The following ASRGL1 variants were observed in gnomAD, a reference collection of about 807,000 sequenced individuals.
ASRGL1 encodes asparaginase and isoaspartyl peptidase 1, also known as isoaspartyl peptidase/L-asparaginase.
A neutral mutation model predicts 22.4 loss-of-function variants in ASRGL1; 16 were observed. That is an observed-to-expected ratio of 0.71 (90% CI 0.48 to 1.08). ASRGL1 has a LOEUF of 1.08. Ranked by LOEUF, ASRGL1 falls within the 50% of genes least tolerant of loss-of-function variation. The pLI is 0.00. For synonymous variants in ASRGL1, 165 were observed against 159.3 expected (o/e 1.04, Z -0.27); for missense variants, 412 against 410.1 (o/e 1.00, Z -0.04).
At chr11:62,378,087 A>G (rs373021381) in intron 4 of ASRGL1, among the ~76,000 whole-genome samples, 1 of 152,312 alleles carries the variant, frequency 6.6e-6, no homozygotes, top group South Asian at 2.1e-4. Flanking sequence ...CATAAGTAGG[A>G]ATGCCTAGAG....
At chr11:62,368,396 C>G (rs1008536795) in intron 4 of ASRGL1, among the ~76,000 whole-genome samples, 1 of 152,082 alleles carries the variant, frequency 6.6e-6, no homozygotes, top group African/African-American at 2.4e-5. Flanking sequence ...TTGGTGAACA[C>G]CTGTCCACAT....
In ASRGL1 at chr11:62,369,300, A is replaced by G. The variant is rs906728947; in HGVS notation, c.491+12156A>G. ...ATTAAACCTTGAGTCAACACAGCAC[A>G]TGTCTCTGCGACACAGGGTTGGGGC... is the stretch of plus-strand genomic sequence containing the variant. On this transcript the variant is annotated intron_variant, in intron 4 of 6. Coordinates refer to ENST00000415229, the MANE Select transcript of ASRGL1 (RefSeq NM_001083926.2). Among the ~76,000 whole-genome samples, 5 of 152,236 alleles carry G rather than the reference A, an allele frequency of 3.3e-5. No homozygotes were observed. In the East Asian group the frequency reaches 7.7e-4, roughly 24 times the overall value.
chr11:62,367,511 G>C (rs533472186), intron 4 of ASRGL1, among the ~76,000 whole-genome samples: 2 of 152,018 alleles, frequency 1.3e-5, no homozygotes, highest in South Asian at 4.1e-4. Flanking sequence ...GGGCGTGGTG[G>C]CGCATGCCTG....
chr11:62,338,803 G>C (rs1022052505), intron 2 of ASRGL1, among the ~76,000 whole-genome samples: 1 of 151,584 alleles, frequency 6.6e-6, no homozygotes, highest in Admixed American at 6.6e-5. Context: ...AAAAAAGCCA[G>C]GCGTGGTGCT....
In ASRGL1 at chr11:62,337,470, G is replaced by A. The variant is rs990059159; in HGVS notation, c.-193G>A. ...ACCGTTGTGACCAGAGCGGTTGCGG[G>A]CTGAGCGGTTTCGAGCCGGCGTCGG... On this transcript the variant is annotated 5_prime_UTR_variant, in exon 1 of 7. Coordinates refer to ENST00000415229, the MANE Select transcript of ASRGL1 (RefSeq NM_001083926.2). 8.1e-5 allele frequency: 13 copies of A among 160,076 alleles called. No individual in the cohort carries two copies. The highest frequency in any genetic ancestry group is 3.1e-4 in the African/African-American group (13 of 41,528). 9.9% of individuals were successfully genotyped at this position (160,076 alleles called of 1,614,324 possible).
chr11:62,389,333 C>T (rs1484916177), intron 5 of ASRGL1, 82 bp downstream of exon 5: 1 of 1,285,216 alleles, frequency 7.8e-7, no homozygotes, highest in Admixed American at 1.7e-5. Flanking sequence ...CTGCCCCTCT[C>T]CGTTTCTTGC....
At chr11:62,377,273 TTC>T (rs1193987077) in intron 4 of ASRGL1, among the ~76,000 whole-genome samples, 2 of 152,210 alleles carry the variant, frequency 1.3e-5, no homozygotes, top group African/African-American at 2.4e-5. Flanking sequence ...AATGGGAAAT[TTC>T]TGTTTCTTAC....
downstream of ASRGL1, among the ~76,000 whole-genome samples, chr11:62,396,305 T>C (rs536834911): frequency 5.3e-5 from 8 of 151,998 alleles, no homozygotes; most frequent in East Asian, 1.6e-3. Flanking sequence ...ATCCAGAATG[T>C]AAATGCCATT....
intron 4 of ASRGL1, among the ~76,000 whole-genome samples, chr11:62,370,108 T>C (rs67149710): frequency 0.35 from 42,894 of 124,208 alleles, 6,168 homozygotes; most frequent in African/African-American, 0.41. Context: ...AAAATTGAAT[T>C]TTTTGGCTCT....
chr11:62,349,076 C>A (rs1448930246), intron 2 of ASRGL1, among the ~76,000 whole-genome samples: 6 of 152,082 alleles, frequency 3.9e-5, no homozygotes, highest in Non-Finnish European at 8.8e-5. Context: ...TCAAGTGATT[C>A]TCCTGCCTCA....
chr11:62,357,059 G>A lies in ASRGL1; in HGVS notation c.406G>A (p.Gly136Arg). 6.2e-7 allele frequency: 1 copy of A among 1,614,106 alleles called. No homozygotes were observed. Among genetic ancestry groups the A allele is most frequent in the Non-Finnish European group, 8.5e-7 (1 of 1,180,028 alleles). ...AAAMGVPEIP[G>R]EKLVTERNKK... is the part of the protein sequence containing the mutation. ...AGCTATGGGGGTTCCAGAGATTCCT[G>A]GAGAAAAACTGGTGACAGAGAGAAA... is the stretch of plus-strand genomic sequence containing the variant. The change falls in exon 4 of 7, where the codon GGA becomes AGA. Residue 136 changes from glycine to arginine, a missense_variant. Transcript: ENST00000415229.
At chr11:62,362,570 T>C (rs71462308) in intron 4 of ASRGL1, among the ~76,000 whole-genome samples, 14,289 of 51,004 alleles carry the variant, frequency 0.28, 4,016 homozygotes, top group Non-Finnish European at 0.37. Context: ...ATTTATATAA[T>C]ATATATTATA....
At chr11:62,356,285 A>C in intron 2 of ASRGL1, 40 bp from the exon 3 acceptor site, 1 of 1,607,956 alleles carries the variant, frequency 6.2e-7, no homozygotes, top group Non-Finnish European at 8.5e-7. Flanking sequence ...ACGGGGCGTA[A>C]ATTCTTAATT....
intron 2 of ASRGL1, among the ~76,000 whole-genome samples, chr11:62,352,675 T>A (rs1291616675): frequency 2.0e-5 from 3 of 152,212 alleles, no homozygotes; most frequent in Non-Finnish European, 4.4e-5. Context: ...TTCTCCTTCA[T>A]TCCTGAAGGA....
chr11:62,374,074 G>T (rs1946849721), intron 4 of ASRGL1, among the ~76,000 whole-genome samples: 1 of 152,140 alleles, frequency 6.6e-6, no homozygotes, highest in African/African-American at 2.4e-5. Context: ...AGCCTCGATC[G>T]CCTTGTACTT....
At chr11:62,388,669 C>CAAA (rs772803061) in intron 4 of ASRGL1, among the ~76,000 whole-genome samples, 53 of 62,680 alleles carry the variant, frequency 8.5e-4, no homozygotes, top group African/African-American at 2.7e-3. Flanking sequence ...GACTTCATCT[C>CAAA]AAAAAAAAAA....
chr11:62,399,846 C>T, the ASRGL1 span, among the ~76,000 whole-genome samples: 2 of 152,316 alleles, frequency 1.3e-5, no homozygotes, highest in Admixed American at 1.3e-4. Flanking sequence ...GCTCTGAGAC[C>T]CCATACCACA....
chr11:62,341,120 G>C (rs541843398), intron 2 of ASRGL1, among the ~76,000 whole-genome samples: 1 of 151,904 alleles, frequency 6.6e-6, no homozygotes, highest in South Asian at 2.1e-4. Flanking sequence ...GGAGCTCAGC[G>C]ATATTTACAC....
At chr11:62,345,221 G>C (rs1945985835) in intron 2 of ASRGL1, among the ~76,000 whole-genome samples, 1 of 152,184 alleles carries the variant, frequency 6.6e-6, no homozygotes, top group African/African-American at 2.4e-5. Flanking sequence ...TCTCTTGGGT[G>C]TGTAGCCGGC....
Sources: gnomAD v4.1 joint callset for allele counts (sites outside exome capture counted in the v4.1 genomes callset) on GRCh38, gnomAD v4.1.1 for gene constraint, MANE v1.5 for transcripts, NCBI Gene and HGNC (gene_info 2026-07-23, HGNC 2026-07-21) for gene names.